Variants in MAP7 observed in about 807,000 individuals in gnomAD.
MAP7 encodes the protein ensconsin.
MAP7 carries 52 observed loss-of-function variants against 94.8 expected under a neutral mutation model. That is an observed-to-expected ratio of 0.55 (90% CI 0.44 to 0.69). MAP7 has a LOEUF of 0.69. Ranked by LOEUF, MAP7 falls within the 30% of genes least tolerant of loss-of-function variation. The probability of loss-of-function intolerance (pLI) is 0.00; values close to 1 mark genes in which losing one functional copy is unlikely to be tolerated. For synonymous variants in MAP7, 350 were observed against 357.0 expected (o/e 0.98, Z 0.22); for missense variants, 940 against 964.6 (o/e 0.97, Z 0.34).
At chr6:136,423,095 C>A (rs1791904875) in intron 1 of MAP7, among the ~76,000 whole-genome samples, 1 of 152,200 alleles carries the variant, frequency 6.6e-6, no homozygotes, top group Non-Finnish European at 1.5e-5. Context: ...AGACTTGGCA[C>A]ATAGAAGGTG....
At chr6:136,383,202 A>G (rs182551923) in intron 6 of MAP7, among the ~76,000 whole-genome samples, 70 of 152,370 alleles carry the variant, frequency 4.6e-4, no homozygotes, top group African/African-American at 1.5e-3. Context: ...AGTAAGAAAT[A>G]ATTTGGTTAA....
At chr6:136,386,140 T>C (rs1249560947) in intron 5 of MAP7, among the ~76,000 whole-genome samples, 1 of 152,196 alleles carries the variant, frequency 6.6e-6, no homozygotes. Context: ...AATTTTAATG[T>C]AGACAGTTTC....
intron 16 of MAP7, among the ~76,000 whole-genome samples, chr6:136,354,788 T>C (rs1374172762): frequency 6.6e-6 from 1 of 152,224 alleles, no homozygotes; most frequent in African/African-American, 2.4e-5. Flanking sequence ...TATAACAGAA[T>C]TTTATTATCT....
At chr6:136,507,356 G>A (rs1001702902) in intron 1 of MAP7, among the ~76,000 whole-genome samples, 3 of 151,266 alleles carry the variant, frequency 2.0e-5, no homozygotes, top group Admixed American at 2.0e-4. Context: ...GGGAAGGGGG[G>A]TAGTAACCTG....
At chr6:136,420,021 C>T in intron 2 of MAP7, 1 of 828,506 alleles carries the variant, frequency 1.2e-6, no homozygotes, top group Non-Finnish European at 2.1e-6. Context: ...TAGCCACCAC[C>T]ACTTGATGCT....
At chr6:136,474,871 A>G (rs1810350570) in intron 1 of MAP7, among the ~76,000 whole-genome samples, 1 of 151,982 alleles carries the variant, frequency 6.6e-6, no homozygotes, top group South Asian at 2.1e-4. Context: ...GCACACCATT[A>G]TGCTTGGCTA....
intron 1 of MAP7, among the ~76,000 whole-genome samples, chr6:136,454,724 G>A (rs1802326695): frequency 6.6e-6 from 1 of 151,964 alleles, no homozygotes; most frequent in African/African-American, 2.4e-5. Context: ...GGGCAACACG[G>A]CAAGACCCCA....
chr6:136,382,816 T>C (rs775951508), intron 6 of MAP7, among the ~76,000 whole-genome samples: 1 of 152,190 alleles, frequency 6.6e-6, no homozygotes, highest in Non-Finnish European at 1.5e-5. Context: ...CCCAATCAGT[T>C]TCTTAATAAA....
At chr6:136,456,972 G>GA (rs951608252) in intron 1 of MAP7, among the ~76,000 whole-genome samples, 1 of 145,238 alleles carries the variant, frequency 6.9e-6, no homozygotes, top group South Asian at 2.1e-4. Flanking sequence ...ATCAGAGCAG[G>GA]AAAAAAAAGG....
intron 1 of MAP7, among the ~76,000 whole-genome samples, chr6:136,491,795 T>C (rs1178557446): frequency 6.6e-6 from 1 of 152,186 alleles, no homozygotes; most frequent in Non-Finnish European, 1.5e-5. Flanking sequence ...CCCACGTGAT[T>C]GGCTGGCTCT....
At chr6:136,349,651 C>A (rs576264163) in intron 16 of MAP7, among the ~76,000 whole-genome samples, 1 of 152,146 alleles carries the variant, frequency 6.6e-6, no homozygotes, top group African/African-American at 2.4e-5. Context: ...GGATTACAGG[C>A]GTGAGCCACC....
intron 1 of MAP7, among the ~76,000 whole-genome samples, chr6:136,461,270 G>C (rs368629603): frequency 1.3e-5 from 2 of 152,070 alleles, no homozygotes; most frequent in African/African-American, 2.4e-5. Context: ...CAAAAATCCT[G>C]AATGACATAT....
At chr6:136,460,743 G>C (rs569998518) in intron 1 of MAP7, among the ~76,000 whole-genome samples, 1 of 152,170 alleles carries the variant, frequency 6.6e-6, no homozygotes, top group Admixed American at 6.5e-5. Flanking sequence ...TGAGGTAGCT[G>C]TAGAGTTGCT....
Position 136,473,336 on chromosome 6 carries a change from A to G in MAP7, c.68-51537T>C, listed in dbSNP as rs1217996216. On this transcript the variant is annotated intron_variant, in intron 1 of 17. Transcript: ENST00000354570. ...AGCTCAAGAAACACCCTAAACTGCA[A>G]TGGCCTACCCTCCAGTATGAGTCAA... Among the ~76,000 whole-genome samples the G allele has an allele frequency of 2.6e-5, 4 of 152,242 alleles. No individual in the cohort carries two copies. The South Asian group carries it at 8.3e-4, about 31-fold the overall frequency.
intron 3 of MAP7, 31 bp from the exon 4 acceptor site, chr6:136,389,548 AGGG>A: frequency 2.6e-6 from 4 of 1,551,222 alleles, no homozygotes; most frequent in Non-Finnish European, 2.6e-6. Context: ...AAAAAAAAAG[AGGG>A]AAATCAAATA....
At chr6:136,389,580 G>T in intron 3 of MAP7, 63 bp from the exon 4 acceptor site, 1 of 1,485,018 alleles carries the variant, frequency 6.7e-7, no homozygotes, top group South Asian at 1.1e-5. Flanking sequence ...TTGCAAACTT[G>T]AATAGTTAGG....
intron 1 of MAP7, among the ~76,000 whole-genome samples, chr6:136,428,201 T>A (rs1457645696): frequency 6.6e-6 from 1 of 152,138 alleles, no homozygotes; most frequent in Non-Finnish European, 1.5e-5. Flanking sequence ...ACTGTCAAGG[T>A]CTATACATGA....
At position 136,384,283 on chromosome 6, in the gene MAP7, CGTTGTT is replaced by C. The variant is rs370736421; in HGVS notation, c.527-508_527-503del. Reference sequence around the variant, plus strand: ...TTAAAGTTCATTATAGAAGAAGGCTCGTTGTTGTTGTTGTTGTTTAAATAAAAAAAA... The same window carrying C: ...TTAAAGTTCATTATAGAAGAAGGCTCGTTGTTGTTGTTTAAATAAAAAAAA... On this transcript the variant is annotated intron_variant, in intron 5 of 17. Coordinates refer to ENST00000354570, the MANE Select transcript of MAP7 (RefSeq NM_003980.6). 3.2e-4 allele frequency among the ~76,000 whole-genome samples: 48 copies of C among 151,700 alleles called. 1 individual carries two copies. The highest frequency in any genetic ancestry group is 1.1e-3 in the African/African-American group (45 of 41,342).
intron 3 of MAP7, among the ~76,000 whole-genome samples, chr6:136,393,265 G>A (rs1781283875): frequency 6.6e-6 from 1 of 152,048 alleles, no homozygotes; most frequent in Non-Finnish European, 1.5e-5. Context: ...CTTTGCCTTT[G>A]TTATTGTCCT....
Sources: gnomAD v4.1 joint callset for allele counts (sites outside exome capture counted in the v4.1 genomes callset) on GRCh38, gnomAD v4.1.1 for gene constraint, MANE v1.5 for transcripts, NCBI Gene and HGNC (gene_info 2026-07-23, HGNC 2026-07-21) for gene names.